MYO3B: variants seen among roughly 807,000 people sequenced by gnomAD.
MYO3B encodes the protein myosin IIIB.
Under a neutral mutation model 174.6 loss-of-function variants are expected in MYO3B, and 156 were observed. The ratio of observed to expected loss-of-function variants is 0.89; its 90% CI spans 0.78 to 1.02. The LOEUF (loss-of-function observed/expected upper bound fraction) is 1.02. Ranked by LOEUF, MYO3B falls within the 50% of genes least tolerant of loss-of-function variation. The probability of loss-of-function intolerance (pLI) is 0.00; values close to 1 mark genes in which losing one functional copy is unlikely to be tolerated. For missense variants in MYO3B, 1,632 were observed against 1,639.4 expected (o/e 1.00, Z 0.08); for synonymous variants, 563 against 569.1 (o/e 0.99, Z 0.15).
At chr2:170,252,541 T>C (rs2093264318) in intron 7 of MYO3B, among the ~76,000 whole-genome samples, 1 of 152,198 alleles carries the variant, frequency 6.6e-6, no homozygotes, top group Non-Finnish European at 1.5e-5. Flanking sequence ...ATGTTTTGAG[T>C]ATTTACTATG....
In MYO3B at chr2:170,558,258, A is replaced by G. The variant is rs181815710; in HGVS notation, c.3733+14270A>G. The stretch of plus-strand genomic sequence containing the variant: ...GGAGCTTGCGGTGAGCTGAGATCGT[A>G]CCACTGTACTCCAGCCTGGTACAGA... On this transcript the variant is annotated intron_variant, in intron 32 of 34. Transcript: ENST00000408978. Among the ~76,000 whole-genome samples the G allele has an allele frequency of 1.1e-3, 169 of 151,846 alleles. 3 individuals are homozygous for G. The East Asian group carries it at 0.03, about 27-fold the overall frequency.
intron 16 of MYO3B, among the ~76,000 whole-genome samples, chr2:170,398,228 G>GA (rs34432719): frequency 5.5e-3 from 485 of 87,938 alleles, no homozygotes; most frequent in East Asian, 7.6e-3. Flanking sequence ...TGTCTCAAAA[G>GA]AAAAAAAAAA....
intron 32 of MYO3B, among the ~76,000 whole-genome samples, chr2:170,548,343 C>T (rs186972925): frequency 9.2e-5 from 14 of 152,184 alleles, no homozygotes; most frequent in East Asian, 7.7e-4. Context: ...AGTGCAGGTT[C>T]GTACTGCTTA....
intron 32 of MYO3B, among the ~76,000 whole-genome samples, chr2:170,545,539 T>C (rs1365026535): frequency 2.6e-5 from 4 of 152,200 alleles, no homozygotes; most frequent in Non-Finnish European, 5.9e-5. Flanking sequence ...TAAGTTTTGG[T>C]GTGATAGTTC....
chr2:170,490,518 A>G (rs945013906), intron 25 of MYO3B, among the ~76,000 whole-genome samples: 2 of 150,358 alleles, frequency 1.3e-5, no homozygotes, highest in African/African-American at 5.0e-5. Flanking sequence ...CGCCCTTCAA[A>G]CATGGATGTT....
chr2:170,306,691 A>G (rs575936367), intron 7 of MYO3B, among the ~76,000 whole-genome samples: 2 of 152,178 alleles, frequency 1.3e-5, no homozygotes, highest in Non-Finnish European at 2.9e-5. Flanking sequence ...ACGTCAGACT[A>G]GAAAACTGCT....
chr2:170,204,100 G>A (rs1460338453), intron 3 of MYO3B, among the ~76,000 whole-genome samples: 1 of 152,142 alleles, frequency 6.6e-6, no homozygotes, highest in Non-Finnish European at 1.5e-5. Context: ...AGGGTTTCAA[G>A]TGACATAGTT....
At chr2:170,634,455 T>G (rs1430412349) in intron 32 of MYO3B, among the ~76,000 whole-genome samples, 15 of 150,692 alleles carry the variant, frequency 1.0e-4, no homozygotes, top group Non-Finnish European at 2.9e-5. Context: ...TTACACCTTA[T>G]ACAAAAATTA....
rs568962366 is a variant in MYO3B at position 170,610,560 on chromosome 2, C to T, written c.3734-41068C>T. On this transcript the variant is annotated intron_variant, in intron 32 of 34. Coordinates refer to ENST00000408978, the MANE Select transcript of MYO3B (RefSeq NM_138995.5). ...TTTAAAAGCTGACATGAGATACCTA[C>T]ATATGTTTCTTTTCCCAGTTATGGT... Among the ~76,000 whole-genome samples, 37 of 152,286 alleles carry T rather than the reference C, an allele frequency of 2.4e-4. No individual in the cohort carries two copies. The South Asian group carries it at 7.3e-3, about 30-fold the overall frequency.
chr2:170,596,214 T>C (rs565815138), intron 32 of MYO3B, among the ~76,000 whole-genome samples: 248 of 152,324 alleles, frequency 1.6e-3, no homozygotes, highest in African/African-American at 5.6e-3. Context: ...GAAGTACTAA[T>C]TAGCCTGTTT....
intron 7 of MYO3B, among the ~76,000 whole-genome samples, chr2:170,323,166 G>A (rs2093841453): frequency 6.6e-6 from 1 of 152,174 alleles, no homozygotes; most frequent in Non-Finnish European, 1.5e-5. Flanking sequence ...TTGTTGAACT[G>A]TGACGTTGGT....
At chr2:170,372,163 A>C (rs905232724) in intron 9 of MYO3B, among the ~76,000 whole-genome samples, 10 of 150,900 alleles carry the variant, frequency 6.6e-5, no homozygotes, top group Non-Finnish European at 1.2e-4. Flanking sequence ...AACAAAGAAA[A>C]AAATCTATTG....
At chr2:170,383,671 G>T (rs1156715424) in intron 11 of MYO3B, 39 bp from the exon 12 acceptor site, 1 of 1,482,538 alleles carries the variant, frequency 6.7e-7, no homozygotes, top group South Asian at 1.1e-5. Context: ...AGTATTAGAT[G>T]GTCCAGGGGA....
At chr2:170,486,696 T>C (rs1686087684) in intron 25 of MYO3B, among the ~76,000 whole-genome samples, 1 of 152,206 alleles carries the variant, frequency 6.6e-6, no homozygotes, top group African/African-American at 2.4e-5. Flanking sequence ...CTGGCTAGGC[T>C]TTCATCAGTA....
intron 25 of MYO3B, among the ~76,000 whole-genome samples, chr2:170,471,821 G>A (rs12994717): frequency 3.1e-4 from 47 of 151,922 alleles, no homozygotes; most frequent in Middle Eastern, 3.4e-3. Context: ...GAGAAACCCC[G>A]TCTCTACTAA....
chr2:170,286,793 A>G (rs1206419864), intron 7 of MYO3B, among the ~76,000 whole-genome samples: 1 of 152,094 alleles, frequency 6.6e-6, no homozygotes, highest in Non-Finnish European at 1.5e-5. Context: ...AAATAAACAT[A>G]AAATGTATCA....
chr2:170,493,064 C>T lies in MYO3B; in HGVS notation c.3015-5528C>T, dbSNP rs533665153. On this transcript the variant is annotated intron_variant, in intron 25 of 34. Coordinates refer to ENST00000408978, the MANE Select transcript of MYO3B (RefSeq NM_138995.5). ...ACTGTTCAAGTTAAATCAGTTAAAT[C>T]GGCCAAGAAATTAACCACCGTTGTT... Among the ~76,000 whole-genome samples, 41 of 152,288 alleles carry T rather than the reference C, an allele frequency of 2.7e-4. 1 individual carries two copies. Among genetic ancestry groups the T allele is most frequent in the African/African-American group, 6.7e-4 (28 of 41,566 alleles).
chr2:170,625,460 C>G (rs1410564080), intron 32 of MYO3B, among the ~76,000 whole-genome samples: 1 of 152,126 alleles, frequency 6.6e-6, no homozygotes, highest in African/African-American at 2.4e-5. Context: ...CTTCATTAGT[C>G]TTGCTAGCAG....
intron 23 of MYO3B, among the ~76,000 whole-genome samples, chr2:170,453,717 A>G (rs141829353): frequency 2.1e-3 from 315 of 152,304 alleles, no homozygotes; most frequent in African/African-American, 7.0e-3. Flanking sequence ...ATGCTGCCCG[A>G]TAGTCTGCAT....
Sources: gnomAD v4.1 joint callset for allele counts (sites outside exome capture counted in the v4.1 genomes callset) on GRCh38, gnomAD v4.1.1 for gene constraint, MANE v1.5 for transcripts, NCBI Gene and HGNC (gene_info 2026-07-23, HGNC 2026-07-21) for gene names.